Variants in TENM3 observed in about 807,000 individuals in gnomAD.
The protein encoded by TENM3 is teneurin transmembrane protein 3, also known as teneurin-3.
In TENM3, 63 loss-of-function variants were observed where a neutral mutation model predicts 255.1. That is an observed-to-expected ratio of 0.25 (90% CI 0.20 to 0.30). TENM3 has a LOEUF of 0.30. Among genes scored for constraint, TENM3 ranks in the 10% least tolerant of loss-of-function variants. The pLI, the probability that TENM3 is intolerant of heterozygous loss-of-function variation, is 1.00. For missense variants in TENM3, 2,929 were observed against 3,461.1 expected (o/e 0.85, Z 3.86); for synonymous variants, 1,306 against 1,322.3 (o/e 0.99, Z 0.27).
intron 5 of TENM3, among the ~76,000 whole-genome samples, chr4:182,648,107 A>C (rs1161675929): frequency 6.6e-6 from 1 of 151,972 alleles, no homozygotes; most frequent in Non-Finnish European, 1.5e-5. Flanking sequence ...CTGCATCTGC[A>C]TTTATTTGTT....
chr4:182,727,341 A>T (rs1240198213), intron 13 of TENM3, among the ~76,000 whole-genome samples: 1 of 151,576 alleles, frequency 6.6e-6, no homozygotes, highest in Non-Finnish European at 1.5e-5. Context: ...CTTTAGTCCC[A>T]GCTTCTCAGG....
rs150062401 is a variant in TENM3, at chr4:182,703,433, C to A, written c.2222-10654C>A. ...TTCCTTTCAAAATTTAAATTAATGT[C>A]CTGTTTTCCTGTCACTGGAAGTTAG... On this transcript the variant is annotated intron_variant, in intron 12 of 27. Coordinates refer to ENST00000511685, the MANE Select transcript of TENM3 (RefSeq NM_001080477.4). Among the ~76,000 whole-genome samples, 139 of 152,308 alleles carry A rather than the reference C, an allele frequency of 9.1e-4. 3 individuals carry two copies. In the Middle Eastern group the frequency reaches 0.027, roughly 30 times the overall value.
the TENM3 span, among the ~76,000 whole-genome samples, chr4:181,497,032 T>C: frequency 1.3e-5 from 2 of 152,194 alleles, no homozygotes; most frequent in African/African-American, 4.8e-5. Flanking sequence ...TGTTACAGCC[T>C]GTAGACATAT....
At chr4:181,785,761 G>A in the TENM3 span, among the ~76,000 whole-genome samples, 2 of 151,774 alleles carry the variant, frequency 1.3e-5, no homozygotes, top group South Asian at 4.2e-4. Context: ...AAGTATTTCA[G>A]ATAAGGGATA....
At chr4:182,560,832 C>A (rs1482797490) in intron 3 of TENM3, among the ~76,000 whole-genome samples, 1 of 151,886 alleles carries the variant, frequency 6.6e-6, no homozygotes, top group East Asian at 1.9e-4. Flanking sequence ...ATATAATGAA[C>A]AGTGGAGAAG....
chr4:181,588,749 A>G, the TENM3 span, among the ~76,000 whole-genome samples: 2 of 152,222 alleles, frequency 1.3e-5, no homozygotes, highest in African/African-American at 4.8e-5. Context: ...AGGAAACTGC[A>G]TTCCTTCAGA....
chr4:182,326,542 A>G (rs977119280), intron 2 of TENM3, among the ~76,000 whole-genome samples: 1 of 151,936 alleles, frequency 6.6e-6, no homozygotes, highest in African/African-American at 2.4e-5. Context: ...ATTATTATTA[A>G]TTAATTAATT....
the TENM3 span, among the ~76,000 whole-genome samples, chr4:181,846,775 A>T: frequency 1.5e-4 from 23 of 152,332 alleles, no homozygotes; most frequent in African/African-American, 4.8e-4. Context: ...AACCCCACAC[A>T]GGATCTCTGC....
chr4:182,266,787 TAA>T (rs772314240), intron 1 of TENM3, among the ~76,000 whole-genome samples: 1 of 152,192 alleles, frequency 6.6e-6, no homozygotes, highest in Non-Finnish European at 1.5e-5. Flanking sequence ...CCTATCATTC[TAA>T]TATAATTTAG....
chr4:182,010,912 C>T, the TENM3 span, among the ~76,000 whole-genome samples: 1 of 152,214 alleles, frequency 6.6e-6, no homozygotes, highest in Non-Finnish European at 1.5e-5. Flanking sequence ...AGTTACCTGG[C>T]TCCACCACTC....
At chr4:182,767,963 CT>C in intron 22 of TENM3, among the ~76,000 whole-genome samples, 1 of 152,296 alleles carries the variant, frequency 6.6e-6, no homozygotes, top group Admixed American at 6.5e-5. Flanking sequence ...CTCACTCCGG[CT>C]TCCCTAGGTG....
rs578185312 is a variant in TENM3 at position 182,153,630 on chromosome 4, A to G, written c.-76+8876A>G. Among the ~76,000 whole-genome samples, 7 of 152,242 alleles carry G rather than the reference A, an allele frequency of 4.6e-5. No homozygotes were observed. In the East Asian group the frequency reaches 1.2e-3, roughly 25 times the overall value. On this transcript the variant is annotated intron_variant, in intron 1 of 2. Transcript: ENST00000512480. Reference sequence around the variant, plus strand: ...TGCAGTTGTTTGATGTCTTGTGACAAATGAGAGATCTGAAGGAGAGGACTG... The same window carrying G: ...TGCAGTTGTTTGATGTCTTGTGACAGATGAGAGATCTGAAGGAGAGGACTG...
At chr4:182,774,691 C>G (rs1764535340) in intron 23 of TENM3, among the ~76,000 whole-genome samples, 2 of 152,172 alleles carry the variant, frequency 1.3e-5, no homozygotes, top group African/African-American at 4.8e-5. Flanking sequence ...TATTAAACTG[C>G]AGAAGGACTT....
chr4:181,781,726 G>T, the TENM3 span, among the ~76,000 whole-genome samples: 10 of 152,200 alleles, frequency 6.6e-5, no homozygotes, highest in African/African-American at 2.4e-4. Context: ...TCCAGTTTTT[G>T]CCTATTCTGT....
At chr4:182,706,685 A>G (rs973626532) in intron 12 of TENM3, among the ~76,000 whole-genome samples, 2 of 152,180 alleles carry the variant, frequency 1.3e-5, no homozygotes, top group Non-Finnish European at 2.9e-5. Flanking sequence ...TGCTTTAGCC[A>G]GGCACAGTGA....
intron 1 of TENM3, among the ~76,000 whole-genome samples, chr4:182,285,703 A>C (rs1474186718): frequency 6.6e-6 from 1 of 152,184 alleles, no homozygotes; most frequent in Non-Finnish European, 1.5e-5. Context: ...AGATTTGGGA[A>C]GTCAAAGGCA....
rs534487741 is a variant in TENM3 at position 182,454,447 on chromosome 4, A to T, written c.511+107518A>T. Among the ~76,000 whole-genome samples the T allele has an allele frequency of 8.7e-4, 133 of 152,234 alleles. 2 individuals are homozygous for T. The highest frequency in any genetic ancestry group is 3.1e-3 in the African/African-American group (127 of 41,556). Reference sequence around the variant, plus strand: ...AGCTAACCATTCTGTATTTGCTTTTAAGGGTCTTTTAATGATGATGATTAG... The same window carrying T: ...AGCTAACCATTCTGTATTTGCTTTTTAGGGTCTTTTAATGATGATGATTAG... On this transcript the variant is annotated intron_variant, in intron 3 of 27. Coordinates refer to ENST00000511685, the MANE Select transcript of TENM3 (RefSeq NM_001080477.4).
chr4:181,460,564 C>A, the TENM3 span, among the ~76,000 whole-genome samples: 2 of 148,618 alleles, frequency 1.3e-5, no homozygotes, highest in African/African-American at 2.5e-5. Context: ...CTATATTTTG[C>A]CATTTGCCCA....
chr4:182,324,837 C>T (rs2150508426), intron 2 of TENM3, among the ~76,000 whole-genome samples: 1 of 152,280 alleles, frequency 6.6e-6, no homozygotes, highest in Admixed American at 6.5e-5. Flanking sequence ...CCTAGTTTCC[C>T]ACAATGTAAT....
Sources: allele counts gnomAD v4.1 joint callset (sites outside exome capture counted in the v4.1 genomes callset), GRCh38; gene constraint gnomAD v4.1.1; transcripts MANE v1.5; gene names NCBI Gene and HGNC (gene_info 2026-07-23, HGNC 2026-07-21).